Variants in GPX8 observed in about 807,000 individuals in gnomAD.
GPX8 encodes protein peroxidase GPX8.
GPX8 carries 12 observed loss-of-function variants against 17.8 expected under a neutral mutation model. That is an observed-to-expected ratio of 0.67 (90% CI 0.43 to 1.09). The LOEUF is 1.09. Among genes scored for constraint, GPX8 ranks in the 50% least tolerant of loss-of-function variants. The probability of loss-of-function intolerance (pLI) is 0.00; values close to 1 mark genes in which losing one functional copy is unlikely to be tolerated. For missense variants in GPX8, 209 were observed against 235.6 expected, an observed-to-expected ratio of 0.89 and a Z score of 0.74; for synonymous variants, 86 against 88.1, an observed-to-expected ratio of 0.98 and a Z score of 0.14.
In GPX8 at chr5:55,164,308, C is replaced by G; in HGVS notation, c.*90C>G. ...CATTTTTTTTTTGGAGACAGTGTCT[C>G]ACTCTGTCACCCAGGCTGGAGTGCA... On this transcript the variant is annotated 3_prime_UTR_variant, in exon 3 of 3. Transcript: ENST00000503787. 1.1e-6 allele frequency: 1 copy of G among 938,652 alleles called. No individual in the cohort carries two copies. The allele number at this position is 938,652 out of a possible 1,614,324, so 58.1% of individuals were successfully genotyped here.
Position 55,161,196 on chromosome 5 carries a change from T to A in GPX8, c.407T>A (p.Ile136Asn), listed in dbSNP as rs1478909355. The A allele has an allele frequency of 6.2e-7, 1 of 1,614,040 alleles. No individual in the cohort carries two copies. The highest frequency in any genetic ancestry group is 1.3e-5 in the African/African-American group (1 of 74,944). The change falls in exon 2 of 3, where the codon ATC (isoleucine) becomes AAC (asparagine). Residue 136 changes from isoleucine to asparagine, a missense_variant. Physicochemically the swap from Ile to Asn is moderately radical, Grantham distance 149. Coordinates refer to ENST00000503787, the MANE Select transcript of GPX8 (RefSeq NM_001008397.4). ...ARKNYGVTFP[I>N]FHKIKILGSE... ...AAAAACTACGGAGTAACTTTCCCCA[T>A]CTTCCACAAGATTAAGATTCTAGGA...
At position 55,165,599 on chromosome 5, in the gene GPX8, TG is replaced by T. The variant is rs1490112456; in HGVS notation, c.*1382del. The T allele has an allele frequency of 1.3e-5, 2 of 152,220 alleles. No homozygotes were observed. Among genetic ancestry groups the T allele is most frequent in the Non-Finnish European group, 2.9e-5 (2 of 68,036 alleles). 9.4% of individuals were successfully genotyped at this position (152,220 alleles called of 1,614,324 possible). ...TATTAGATAAACCAAAAATATTTCA[TG>T]AAGCATCTTCTGCTTCAGAGTCCAT... On this transcript the variant is annotated 3_prime_UTR_variant, in exon 3 of 3. Transcript: ENST00000503787.
At position 55,165,928 on chromosome 5, in the gene GPX8, C is replaced by G. The variant is rs1744359416; in HGVS notation, c.*1710C>G. 3 of 152,318 alleles carry G rather than the reference C, an allele frequency of 2.0e-5. No homozygotes were observed. The South Asian group carries it at 6.2e-4, about 32-fold the overall frequency. The allele number at this position is 152,318 out of a possible 1,614,324, so 9.4% of individuals were successfully genotyped here. On this transcript the variant is annotated 3_prime_UTR_variant, in exon 3 of 3. Transcript: ENST00000503787. ...GACCAGGAAGGAAATCAGAACTAAC[C>G]TGGATTGTTAGCGAAGAAAACAGAA...
Position 55,164,218 on chromosome 5 carries a change from A to C in GPX8, c.630A>C (p.Ter210CysextTer21). The C allele has an allele frequency of 6.5e-7, 1 of 1,531,586 alleles. No homozygotes were observed. Among genetic ancestry groups the C allele is most frequent in the South Asian group, 1.3e-5 (1 of 78,498 alleles). 94.9% of individuals were successfully genotyped at this position (1,531,586 alleles called of 1,614,324 possible). ...TCATAAAAAAGAAAGAGGATCTATG[A>C]GAATGCCATTGCGTTTCTAATAGAA... Reference protein sequence around the residue: ...QVIIKKKEDL* With the variant: ...QVIIKKKEDLC Residue 210 changes from the stop codon to cysteine, a stop_lost, in exon 3 of 3, where the codon TGA becomes TGC. Coordinates refer to ENST00000503787, the MANE Select transcript of GPX8 (RefSeq NM_001008397.4).
chr5:55,160,968 GT>G (rs1249814967), intron 1 of GPX8, 25 bp from the exon 2 acceptor site: 1 of 1,583,868 alleles, frequency 6.3e-7, no homozygotes, highest in East Asian at 2.2e-5. Context: ...TCACTTTCCG[GT>G]TGGATTTTTT....
rs1414824313 is a variant in GPX8, at chr5:55,164,237, A to G, written c.*19A>G. 1 of 1,501,116 alleles carries G rather than the reference A, an allele frequency of 6.7e-7. No individual in the cohort carries two copies. The highest frequency in any genetic ancestry group is 1.3e-5 in the South Asian group (1 of 74,560). 93.0% of individuals were successfully genotyped at this position (1,501,116 alleles called of 1,614,324 possible). Reference sequence around the variant, plus strand: ...TCTATGAGAATGCCATTGCGTTTCTAATAGAACAGAGAAATGTCTCCATGA... The same window carrying G: ...TCTATGAGAATGCCATTGCGTTTCTGATAGAACAGAGAAATGTCTCCATGA... On this transcript the variant is annotated 3_prime_UTR_variant, in exon 3 of 3. Coordinates refer to ENST00000503787, the MANE Select transcript of GPX8 (RefSeq NM_001008397.4).
chr5:55,164,018 A>T, intron 2 of GPX8, 37 bp from the exon 3 acceptor site: 1 of 1,454,156 alleles, frequency 6.9e-7, no homozygotes, highest in South Asian at 1.4e-5. Flanking sequence ...ACAAAGAATA[A>T]AATTATGCTC....
At position 55,164,077 on chromosome 5, in the gene GPX8, G is replaced by T. The variant is rs765711152; in HGVS notation, c.489G>T (p.Arg163Ser). The part of the protein sequence containing the change: ...FLVDSSKKEP[R>S]WNFWKYLVNP... ...TAGATTCTTCAAAGAAGGAACCAAG[G>T]TGGAATTTTTGGAAGTATCTTGTCA... Residue 163 changes from arginine to serine, a missense_variant, in exon 3 of 3, where the codon AGG becomes AGT. Arg to Ser is a moderately radical substitution (Grantham distance 110). Transcript: ENST00000503787. The T allele has an allele frequency of 9.4e-6, 15 of 1,592,348 alleles. No individual in the cohort carries two copies. The highest frequency in any genetic ancestry group is 1.3e-5 in the Non-Finnish European group (15 of 1,168,274).
chr5:55,161,658 T>A (rs764695296), intron 2 of GPX8, among the ~76,000 whole-genome samples: 10 of 152,244 alleles, frequency 6.6e-5, no homozygotes, highest in Non-Finnish European at 1.3e-4. Context: ...CATATGTTTG[T>A]GGCTAATTTT....
At chr5:55,160,813 G>A (rs1744003569) in intron 1 of GPX8, 181 bp from the exon 2 acceptor site, 2 of 572,462 alleles carry the variant, frequency 3.5e-6, no homozygotes, top group Middle Eastern at 4.6e-4. Flanking sequence ...ACTATTTCAG[G>A]GCCTTAACCC....
At chr5:55,163,911 A>G (rs1392705385) in intron 2 of GPX8, 144 bp from the exon 3 acceptor site, 1 of 524,698 alleles carries the variant, frequency 1.9e-6, no homozygotes, top group East Asian at 3.1e-5. Flanking sequence ...CTTGAGTTTC[A>G]CTTCGTTTGG....
Position 55,164,886 on chromosome 5 carries a change from GTAT to G in GPX8, c.*672_*674del, listed in dbSNP as rs1744299084. 1 of 151,996 alleles carries G rather than the reference GTAT, an allele frequency of 6.6e-6. No individual in the cohort carries two copies. The allele number at this position is 151,996 out of a possible 1,614,324, so 9.4% of individuals were successfully genotyped here. Reference sequence around the variant, plus strand: ...TATAAATAGTCATTTATAAATGACCGTATTATAACATTTGAAAAAGTCTTCATC... The same window carrying G: ...TATAAATAGTCATTTATAAATGACCGTATAACATTTGAAAAAGTCTTCATC... On this transcript the variant is annotated 3_prime_UTR_variant, in exon 3 of 3. Coordinates refer to ENST00000503787, the MANE Select transcript of GPX8 (RefSeq NM_001008397.4).
In GPX8 at chr5:55,160,387, T is replaced by C; in HGVS notation, c.195T>C (p.Tyr65=). ...GAAGAACTGTTTCTCTGGAAAAGTATAAAGGCAAAGTAAGTTGCATCATCT... is the reference window on the plus strand; with the variant it reads ...GAAGAACTGTTTCTCTGGAAAAGTACAAAGGCAAAGTAAGTTGCATCATCT... The part of the protein sequence containing the change: ...AKGRTVSLEK[Y]KGKVSLVVNV... The change falls in exon 1 of 3, where the codon TAT becomes TAC. Residue 65 remains tyrosine (Y), a synonymous_variant. Transcript: ENST00000503787. 6.2e-7 allele frequency: 1 copy of C among 1,610,896 alleles called. No individual in the cohort carries two copies. The highest frequency in any genetic ancestry group is 8.5e-7 in the Non-Finnish European group (1 of 1,178,514).
Position 55,164,133 on chromosome 5 carries a change from A to G in GPX8, c.545A>G (p.Lys182Arg), listed in dbSNP as rs381852. The G allele has an allele frequency of 0.82, 1,313,020 of 1,604,056 alleles. 538,493 individuals are homozygous for G. Among genetic ancestry groups the G allele is most frequent in the African/African-American group, 0.89 (66,704 of 74,830 alleles). The stretch of plus-strand genomic sequence containing the variant: ...GAGGGTCAAGTTGTGAAGTTCTGGA[A>G]GCCAGAGGAGCCCATTGAAGTCATC... ...NPEGQVVKFW[K>R]PEEPIEVIRP... The change falls in exon 3 of 3, where the codon AAG becomes AGG. Residue 182 changes from lysine (K) to arginine (R), a missense_variant. Coordinates refer to ENST00000503787, the MANE Select transcript of GPX8 (RefSeq NM_001008397.4).
intron 2 of GPX8, among the ~76,000 whole-genome samples, chr5:55,163,707 C>A (rs890667004): frequency 6.6e-6 from 1 of 151,056 alleles, no homozygotes; most frequent in East Asian, 2.0e-4. Context: ...GGGGTTTCAC[C>A]GTGTTGGGCA....
Position 55,161,135 on chromosome 5 carries a change from C to A in GPX8, c.346C>A (p.Pro116Thr). The A allele has an allele frequency of 6.2e-7, 1 of 1,614,150 alleles. No homozygotes were observed. Among genetic ancestry groups the A allele is most frequent in the Non-Finnish European group, 8.5e-7 (1 of 1,180,036 alleles). The change falls in exon 2 of 3, where the codon CCC becomes ACC. Residue 116 changes from proline to threonine, a missense_variant. Pro to Thr is a conservative substitution (Grantham distance 38). Transcript: ENST00000503787. Reference sequence around the variant, plus strand: ...CTGCAATCAGTTTGGAGAATCGGAGCCCCGCCCAAGCAAGGAAGTAGAATC... The same window carrying A: ...CTGCAATCAGTTTGGAGAATCGGAGACCCGCCCAAGCAAGGAAGTAGAATC... ...FPCNQFGESE[P>T]RPSKEVESFA...
intron 2 of GPX8, 138 bp from the exon 3 acceptor site, chr5:55,163,917 T>G: frequency 3.6e-6 from 2 of 548,810 alleles, no homozygotes; most frequent in Non-Finnish European, 5.9e-6. Context: ...TTTCACTTCG[T>G]TTGGGTGTTT....
intron 2 of GPX8, among the ~76,000 whole-genome samples, chr5:55,161,863 T>A (rs187806120): frequency 1.8e-4 from 28 of 152,168 alleles, no homozygotes; most frequent in African/African-American, 6.5e-4. Context: ...TCATGAGGCA[T>A]ACAGACAGCA....
chr5:55,160,702 T>C (rs1439128481), intron 1 of GPX8: 1 of 454,838 alleles, frequency 2.2e-6, no homozygotes, highest in African/African-American at 2.0e-5. Context: ...GTATTGGTTC[T>C]ATAATCTAAT....
Sources: gnomAD v4.1 joint callset for allele counts (sites outside exome capture counted in the v4.1 genomes callset) on GRCh38, gnomAD v4.1.1 for gene constraint, MANE v1.5 for transcripts, NCBI Gene and HGNC (gene_info 2026-07-23, HGNC 2026-07-21) for gene names.